DIS3L2: variants seen among roughly 807,000 people sequenced by gnomAD.
DIS3L2 encodes DIS3 like 3'-5' exoribonuclease 2, also known as DIS3-like exonuclease 2.
In DIS3L2, 34 loss-of-function variants were observed where a neutral mutation model predicts 97.5. That is an observed-to-expected ratio of 0.35 (90% CI 0.27 to 0.46). The LOEUF is 0.46. Among genes scored for constraint, DIS3L2 ranks in the 20% least tolerant of loss-of-function variants. The pLI, the probability that DIS3L2 is intolerant of heterozygous loss-of-function variation, is 1.00. For synonymous variants in DIS3L2, 435 were observed against 445.2 expected (o/e 0.98, Z 0.29); for missense variants, 1,038 against 1,146.0 (o/e 0.91, Z 1.36).
chr2:232,148,502 G>A (rs922418653), intron 8 of DIS3L2, among the ~76,000 whole-genome samples: 3 of 152,204 alleles, frequency 2.0e-5, no homozygotes, highest in East Asian at 1.9e-4. Context: ...TTTAAATAAG[G>A]AACTTGAGAA....
intron 7 of DIS3L2, among the ~76,000 whole-genome samples, chr2:232,135,659 TGTG>T (rs1698335444): frequency 6.6e-6 from 1 of 151,580 alleles, no homozygotes; most frequent in Middle Eastern, 3.4e-3. Context: ...GGGGGAGAGG[TGTG>T]GTGCACTCAA....
chr2:232,131,257 G>A (rs1698209918), intron 7 of DIS3L2: 1 of 151,874 alleles, frequency 6.6e-6, no homozygotes, highest in African/African-American at 2.4e-5. Context: ...ATAGAAGCTA[G>A]TGTCATTTTC....
intron 1 of DIS3L2, among the ~76,000 whole-genome samples, chr2:232,010,413 T>A (rs1694165566): frequency 6.6e-6 from 1 of 152,234 alleles, no homozygotes; most frequent in African/African-American, 2.4e-5. Flanking sequence ...AAAATGGTAT[T>A]AAGTAGTGTC....
chr2:232,263,107 A>G (rs530759854), intron 12 of DIS3L2, 100 bp from the exon 13 acceptor site: 11 of 1,263,922 alleles, frequency 8.7e-6, no homozygotes, highest in African/African-American at 1.5e-5. Flanking sequence ...TCAGTGCTCA[A>G]TAAATCTTTG....
intron 16 of DIS3L2, among the ~76,000 whole-genome samples, chr2:232,333,071 C>A (rs1695794740): frequency 6.6e-6 from 1 of 151,202 alleles, no homozygotes; most frequent in Admixed American, 6.6e-5. Flanking sequence ...GCCCCTGGTC[C>A]AACAAAACCG....
chr2:231,975,184 A>C (rs1438483476), intron 1 of DIS3L2, among the ~76,000 whole-genome samples: 1 of 152,176 alleles, frequency 6.6e-6, no homozygotes, highest in Admixed American at 6.5e-5. Flanking sequence ...CCCATGCCAG[A>C]GTGCCAAGCT....
chr2:232,076,301 T>C (rs1696186163), intron 5 of DIS3L2, among the ~76,000 whole-genome samples: 1 of 152,198 alleles, frequency 6.6e-6, no homozygotes, highest in Non-Finnish European at 1.5e-5. Context: ...CAGGGCAGTG[T>C]AGTGGAATAA....
At chr2:232,183,440 T>C (rs1479366779) in intron 9 of DIS3L2, among the ~76,000 whole-genome samples, 1 of 152,254 alleles carries the variant, frequency 6.6e-6, no homozygotes, top group Admixed American at 6.5e-5. Context: ...CTTTAATGCT[T>C]AGGCATGCAC....
At chr2:232,109,199 A>G (rs950824515) in intron 6 of DIS3L2, among the ~76,000 whole-genome samples, 2 of 152,210 alleles carry the variant, frequency 1.3e-5, no homozygotes, top group Non-Finnish European at 2.9e-5. Context: ...TAATCCCAGC[A>G]CTTCGTGAGG....
At chr2:232,086,657 A>ATGTGTGTG (rs376073328) in intron 5 of DIS3L2, among the ~76,000 whole-genome samples, 3 of 36,780 alleles carry the variant, frequency 8.2e-5, no homozygotes, top group East Asian at 7.3e-4. Flanking sequence ...ATATATATAT[A>ATGTGTGTG]TATGTGTGTG....
At chr2:231,984,304 T>G (rs1269862198) in intron 1 of DIS3L2, among the ~76,000 whole-genome samples, 2 of 151,884 alleles carry the variant, frequency 1.3e-5, no homozygotes, top group Non-Finnish European at 2.9e-5. Context: ...ACTTTTTATT[T>G]TTATTTTATT....
chr2:232,240,837 C>T (rs946778107), intron 11 of DIS3L2, among the ~76,000 whole-genome samples: 9 of 152,192 alleles, frequency 5.9e-5, no homozygotes, highest in Admixed American at 2.0e-4. Context: ...CTAGCTGCTG[C>T]GCTCTCCTTT....
At chr2:232,076,068 T>C (rs994578729) in intron 5 of DIS3L2, among the ~76,000 whole-genome samples, 2 of 152,218 alleles carry the variant, frequency 1.3e-5, no homozygotes, top group Non-Finnish European at 2.9e-5. Context: ...TCCACTCTGC[T>C]TTCACACTTC....
At chr2:231,988,074 C>G (rs1693471339) in intron 1 of DIS3L2, among the ~76,000 whole-genome samples, 1 of 152,190 alleles carries the variant, frequency 6.6e-6, no homozygotes, top group Non-Finnish European at 1.5e-5. Flanking sequence ...AACTCCCGAT[C>G]TCAGGTGATC....
chr2:232,071,796 C>T (rs1696029681), intron 5 of DIS3L2, among the ~76,000 whole-genome samples: 1 of 152,124 alleles, frequency 6.6e-6, no homozygotes, highest in Admixed American at 6.5e-5. Context: ...ACCTTGGCCT[C>T]CCAAAATGCT....
chr2:232,116,018 A>G (rs905980611), intron 6 of DIS3L2, among the ~76,000 whole-genome samples: 2 of 152,034 alleles, frequency 1.3e-5, no homozygotes, highest in Admixed American at 6.5e-5. Context: ...CTAAAAATAC[A>G]AAAATTAGCC....
intron 1 of DIS3L2, among the ~76,000 whole-genome samples, chr2:231,992,561 C>A (rs948056891): frequency 6.6e-6 from 1 of 152,172 alleles, no homozygotes. Context: ...CAACAGCTCA[C>A]GAACTCCACA....
chr2:232,079,599 C>CAAAAAAAA (rs760870721), intron 5 of DIS3L2, among the ~76,000 whole-genome samples: 1 of 29,630 alleles, frequency 3.4e-5, no homozygotes, highest in African/African-American at 1.7e-4. Context: ...GACTCTATCT[C>CAAAAAAAA]AAAAAAAAAA....
chr2:232,072,972 C>A (rs976869120), intron 5 of DIS3L2, among the ~76,000 whole-genome samples: 1 of 152,088 alleles, frequency 6.6e-6, no homozygotes, highest in African/African-American at 2.4e-5. Context: ...ATAAAAGGTA[C>A]GTTTGGATTA....
Sources: allele counts gnomAD v4.1 joint callset (sites outside exome capture counted in the v4.1 genomes callset), GRCh38; gene constraint gnomAD v4.1.1; transcripts MANE v1.5; gene names NCBI Gene and HGNC (gene_info 2026-07-23, HGNC 2026-07-21).